Variants in DPYD observed in about 807,000 individuals in gnomAD.
DPYD encodes dihydropyrimidine dehydrogenase [NADP(+)].
A neutral mutation model predicts 116.2 loss-of-function variants in DPYD; 109 were observed. That is an observed-to-expected ratio of 0.94 (90% CI 0.80 to 1.10). DPYD has a LOEUF of 1.10. DPYD is among the 50% of genes least tolerant of loss of function. DPYD has a pLI of 0.00. For synonymous variants in DPYD, 440 were observed against 432.0 expected, an observed-to-expected ratio of 1.02 and a Z score of -0.23; for missense variants, 1,302 against 1,254.5, an observed-to-expected ratio of 1.04 and a Z score of -0.57.
At chr1:97,644,549 C>T (rs1030118140) in intron 8 of DPYD, among the ~76,000 whole-genome samples, 3 of 152,028 alleles carry the variant, frequency 2.0e-5, no homozygotes, top group Non-Finnish European at 2.9e-5. Context: ...CTGCCTCAGC[C>T]TCCCAAGTAG....
intron 12 of DPYD, among the ~76,000 whole-genome samples, chr1:97,525,978 A>AGTGTGTGTGTGTGTGTGTGTGTGTGT (rs71071658): frequency 7.2e-6 from 1 of 138,118 alleles, no homozygotes; most frequent in East Asian, 2.2e-4. Flanking sequence ...GGTAATTAAG[A>AGTGTGTGTGTGTGTGTGTGTGTGTGT]GTGTGTGTGT....
At chr1:97,506,891 C>A (rs972307155) in intron 13 of DPYD, among the ~76,000 whole-genome samples, 3 of 151,980 alleles carry the variant, frequency 2.0e-5, no homozygotes, top group Non-Finnish European at 4.4e-5. Context: ...CTAAGTCTGG[C>A]AAACATGGTA....
At chr1:97,306,462 T>G (rs1274185537) in intron 16 of DPYD, among the ~76,000 whole-genome samples, 165 bp from the exon 17 acceptor site, 2 of 151,960 alleles carry the variant, frequency 1.3e-5, no homozygotes, top group Non-Finnish European at 2.9e-5. Context: ...CTAGACTCAT[T>G]AGGGAACTAA....
At chr1:97,342,269 A>G (rs1669625917) in intron 16 of DPYD, among the ~76,000 whole-genome samples, 1 of 152,164 alleles carries the variant, frequency 6.6e-6, no homozygotes, top group African/African-American at 2.4e-5. Flanking sequence ...AATCTCCTGT[A>G]TTCTTGTAGT....
intron 13 of DPYD, among the ~76,000 whole-genome samples, chr1:97,490,457 TA>T (rs1678910920): frequency 7.3e-6 from 1 of 137,246 alleles, no homozygotes; most frequent in Admixed American, 7.8e-5. Context: ...TATAACGTAC[TA>T]ATTATATACT....
intron 3 of DPYD, among the ~76,000 whole-genome samples, chr1:97,759,234 A>G (rs945503382): frequency 2.0e-5 from 3 of 152,140 alleles, no homozygotes; most frequent in Non-Finnish European, 4.4e-5. Flanking sequence ...ATATTTCACT[A>G]AATATCTTAA....
chr1:97,263,530 C>T (rs74104330), intron 18 of DPYD, among the ~76,000 whole-genome samples: 169 of 152,148 alleles, frequency 1.1e-3, no homozygotes, highest in African/African-American at 4.0e-3. Flanking sequence ...TACAAGGATG[C>T]TGTGAGGTTT....
intron 18 of DPYD, among the ~76,000 whole-genome samples, chr1:97,300,878 G>T (rs1558011262): frequency 6.6e-6 from 1 of 151,982 alleles, no homozygotes. Flanking sequence ...ATTCACATTT[G>T]TGCAAGTTTT....
chr1:97,855,327 T>G (rs1670774681), intron 2 of DPYD: 1 of 152,166 alleles, frequency 6.6e-6, no homozygotes, highest in Non-Finnish European at 1.5e-5. Context: ...CCAGAGGCCC[T>G]AAGCCCAGGC....
chr1:97,257,260 C>G (rs969037967), intron 18 of DPYD, among the ~76,000 whole-genome samples: 1 of 151,738 alleles, frequency 6.6e-6, no homozygotes, highest in South Asian at 2.1e-4. Flanking sequence ...TATAAAATCT[C>G]TATATTTGAT....
At chr1:97,406,287 TTTA>T (rs887172011) in intron 14 of DPYD, among the ~76,000 whole-genome samples, 22 of 62,666 alleles carry the variant, frequency 3.5e-4, no homozygotes, top group Admixed American at 1.1e-3. Flanking sequence ...TTTTTTTTTT[TTTA>T]AAATTATTAA....
At chr1:97,914,022 T>C (rs1674097147) in intron 1 of DPYD, among the ~76,000 whole-genome samples, 2 of 152,086 alleles carry the variant, frequency 1.3e-5, no homozygotes, top group Admixed American at 6.6e-5. Context: ...CAAGGGGACA[T>C]TCATAAGTGC....
At position 97,247,639 on chromosome 1, in the gene DPYD, C is replaced by G. The variant is rs937039197; in HGVS notation, c.2300-12645G>C. On this transcript the variant is annotated intron_variant, in intron 18 of 22. Coordinates refer to ENST00000370192, the MANE Select transcript of DPYD (RefSeq NM_000110.4). ...AATAATCTATGTAAAGCAGGCAGCA[C>G]AGTGACAAGCACATAGTAAATGCTT... Among the ~76,000 whole-genome samples the G allele has an allele frequency of 2.2e-4, 33 of 152,146 alleles. 1 individual carries two copies. Among genetic ancestry groups the G allele is most frequent in the Non-Finnish European group, 4.4e-5 (3 of 68,034 alleles).
At chr1:97,373,521 T>C (rs1454110146) in intron 16 of DPYD, 40 bp downstream of exon 16, 3 of 1,581,284 alleles carry the variant, frequency 1.9e-6, no homozygotes, top group Non-Finnish European at 2.6e-6. Flanking sequence ...GCCTGTTATG[T>C]CACACTGACA....
At chr1:97,667,396 T>C (rs559467074) in intron 8 of DPYD, among the ~76,000 whole-genome samples, 1 of 152,278 alleles carries the variant, frequency 6.6e-6, no homozygotes, top group African/African-American at 2.4e-5. Flanking sequence ...ATTCATCTTG[T>C]TGATTAATCA....
chr1:97,200,182 C>T (rs1659105225), intron 19 of DPYD, among the ~76,000 whole-genome samples: 1 of 152,128 alleles, frequency 6.6e-6, no homozygotes, highest in Non-Finnish European at 1.5e-5. Flanking sequence ...CTATTAAACA[C>T]AACTCAGATA....
chr1:97,157,148 G>A (rs537033665), intron 20 of DPYD, among the ~76,000 whole-genome samples: 250 of 151,200 alleles, frequency 1.7e-3, no homozygotes, highest in African/African-American at 5.7e-3. Context: ...GATAGCATTA[G>A]GAGATATACC....
chr1:97,861,128 C>CT (rs1671092840), intron 2 of DPYD, among the ~76,000 whole-genome samples: 1 of 151,734 alleles, frequency 6.6e-6, no homozygotes, highest in Admixed American at 6.6e-5. Context: ...AAATACACCG[C>CT]AAAAAATAGA....
intron 16 of DPYD, among the ~76,000 whole-genome samples, chr1:97,332,414 A>C (rs12038518): frequency 0.13 from 20,214 of 152,234 alleles, 1,629 homozygotes; most frequent in East Asian, 0.28. Context: ...CAATATAATA[A>C]GGATGGTAGT....
Sources: gnomAD v4.1 joint callset for allele counts (sites outside exome capture counted in the v4.1 genomes callset) on GRCh38, gnomAD v4.1.1 for gene constraint, MANE v1.5 for transcripts, NCBI Gene and HGNC (gene_info 2026-07-23, HGNC 2026-07-21) for gene names.